The following ZFPM1 variants were observed in gnomAD, a reference collection of about 807,000 sequenced individuals.
ZFPM1 encodes the protein zinc finger protein ZFPM1.
ZFPM1 carries 28 observed loss-of-function variants against 46.3 expected under a neutral mutation model. That is an observed-to-expected ratio of 0.60 (90% confidence interval 0.45 to 0.83). The LOEUF (loss-of-function observed/expected upper bound fraction) is 0.83, where lower values mean the gene tolerates loss of function less well. Among genes scored for constraint, ZFPM1 ranks in the 40% least tolerant of loss-of-function variants. The pLI is 0.00. For missense variants in ZFPM1, 1,878 were observed against 1,432.4 expected, an observed-to-expected ratio of 1.31 and a Z score of -5.02; for synonymous variants, 957 against 675.9, an observed-to-expected ratio of 1.42 and a Z score of -6.45.
At position 88,534,409 on chromosome 16, in the gene ZFPM1, C is replaced by G; in HGVS notation, c.2451C>G (p.His817Gln). The G allele has an allele frequency of 6.7e-7, 1 of 1,485,960 alleles. No individual in the cohort carries two copies. The highest frequency in any genetic ancestry group is 8.9e-7 in the Non-Finnish European group (1 of 1,124,830). 92.0% of individuals were successfully genotyped at this position (1,485,960 alleles called of 1,614,324 possible). A position where few individuals can be genotyped will look rare whatever the true frequency, so the allele number is the denominator to read the frequency against. ...GAPAPALADY[H>Q]ECTACRVSFH... The stretch of plus-strand genomic sequence containing the variant: ...CGGCACCGGCGCTGGCCGACTACCA[C>G]GAGTGCACGGCCTGCCGCGTGAGCT... Residue 817 changes from histidine to glutamine, a missense_variant, in exon 10 of 10, where the codon CAC becomes CAG. His to Gln is a conservative substitution (Grantham distance 24). Transcript: ENST00000319555.
At chr16:88,453,810 C>A (rs1907406082) in intron 1 of ZFPM1, 132 bp downstream of exon 1, 1 of 491,188 alleles carries the variant, frequency 2.0e-6, no homozygotes, top group Non-Finnish European at 2.7e-6. Flanking sequence ...GCGCCCCCCG[C>A]GCTGTGCCAA....
At chr16:88,510,484 C>T (rs921384963) in intron 3 of ZFPM1, among the ~76,000 whole-genome samples, 1 of 152,266 alleles carries the variant, frequency 6.6e-6, no homozygotes, top group Non-Finnish European at 1.5e-5. Context: ...TGGAACTTCT[C>T]ATTTGGTTCC....
chr16:88,457,124 G>A (rs766286021), intron 1 of ZFPM1, among the ~76,000 whole-genome samples: 20 of 152,264 alleles, frequency 1.3e-4, no homozygotes, highest in Non-Finnish European at 2.9e-4. Flanking sequence ...CGTGGGGCTG[G>A]CAGTGCCATC....
At position 88,533,578 on chromosome 16, in the gene ZFPM1, G is replaced by A. The variant is rs1291522116; in HGVS notation, c.1620G>A (p.Ser540=). The stretch of plus-strand genomic sequence containing the variant: ...GGCCCGACGCGGCGCCCCCCGCCTC[G>A]GAGATCCTGGCCAAGATGTCCGAGC... ...VFGPDAAPPA[S]EILAKMSELV... Residue 540 remains serine (S), a synonymous_variant, in exon 10 of 10, where the codon TCG becomes TCA. Coordinates refer to ENST00000319555, the MANE Select transcript of ZFPM1 (RefSeq NM_153813.3). 1.3e-6 allele frequency: 2 copies of A among 1,499,258 alleles called. No individual in the cohort carries two copies. The allele number at this position is 1,499,258 out of a possible 1,614,324, so 92.9% of individuals were successfully genotyped here. A position where few individuals can be genotyped will look rare whatever the true frequency, so the allele number is the denominator to read the frequency against.
At chr16:88,493,324 A>G (rs1345567430) in intron 3 of ZFPM1, among the ~76,000 whole-genome samples, 15 of 54,822 alleles carry the variant, frequency 2.7e-4, no homozygotes, top group Admixed American at 9.1e-4. Context: ...GGGGTGTGGG[A>G]AATTGTCCCG....
intron 2 of ZFPM1, 70 bp downstream of exon 2, chr16:88,486,113 C>G (rs1318665436): frequency 6.8e-7 from 1 of 1,466,238 alleles, no homozygotes; most frequent in Admixed American, 2.0e-5. Context: ...ACCATGCCCT[C>G]AGAGCTCAGT....
chr16:88,534,848 A>ACGCCGG lies in ZFPM1; in HGVS notation c.2896_2901dup (p.Ala966_Pro967dup), dbSNP rs1913163522. The ACGCCGG allele has an allele frequency of 6.4e-7, 1 of 1,559,122 alleles. No individual in the cohort carries two copies. Among genetic ancestry groups the ACGCCGG allele is most frequent in the Non-Finnish European group, 8.6e-7 (1 of 1,159,924 alleles). ...GGGCGTCCAGACTCCCAGCAAGGGC[A>ACGCCGG]CGCCGGCGCCGCTGCCCAACGGCAA... On this transcript the variant is annotated inframe_insertion, in exon 10 of 10. Transcript: ENST00000319555.
intron 1 of ZFPM1, among the ~76,000 whole-genome samples, chr16:88,485,193 G>A (rs1039378766): frequency 6.6e-6 from 1 of 152,192 alleles, no homozygotes; most frequent in Non-Finnish European, 1.5e-5. Context: ...CTGGATGGAC[G>A]CTGGGCCTAC....
In ZFPM1 at chr16:88,533,550, T is replaced by C; in HGVS notation, c.1592T>C (p.Phe531Ser). Residue 531 changes from phenylalanine (F) to serine (S), a missense_variant, in exon 10 of 10, where the codon TTC becomes TCC. Phe to Ser is a radical substitution (Grantham distance 155). Coordinates refer to ENST00000319555, the MANE Select transcript of ZFPM1 (RefSeq NM_153813.3). ...GCCCTGTTCCTTCCGCAGTACGTGTTCGGGCCCGACGCGGCGCCCCCCGCC... is the reference window on the plus strand; with the variant it reads ...GCCCTGTTCCTTCCGCAGTACGTGTCCGGGCCCGACGCGGCGCCCCCCGCC... ...AGALFLPQYV[F>S]GPDAAPPASE... 1.4e-6 allele frequency: 2 copies of C among 1,474,710 alleles called. No individual in the cohort carries two copies. The highest frequency in any genetic ancestry group is 2.3e-5 in the Admixed American group (1 of 44,008). 91.4% of individuals were successfully genotyped at this position (1,474,710 alleles called of 1,614,324 possible).
At chr16:88,523,327 G>T (rs1169951119) in intron 4 of ZFPM1, among the ~76,000 whole-genome samples, 1 of 152,180 alleles carries the variant, frequency 6.6e-6, no homozygotes, top group African/African-American at 2.4e-5. Flanking sequence ...ATCAGAGGTG[G>T]GGAAACAAGA....
rs571848443 is a variant in ZFPM1 at position 88,474,900 on chromosome 16, C to G, written c.41-11039C>G. ...GCTCTTCGAGACTGATGAGTCCATA[C>G]TCGTTGGCCAGATGTGTAAACCAGG... On this transcript the variant is annotated intron_variant, in intron 1 of 9. Transcript: ENST00000319555. Among the ~76,000 whole-genome samples the G allele has an allele frequency of 4.6e-5, 7 of 152,356 alleles. No individual in the cohort carries two copies. In the South Asian group the frequency reaches 1.4e-3, roughly 32 times the overall value.
At position 88,514,970 on chromosome 16, in the gene ZFPM1, G is replaced by A. The variant is rs531993189; in HGVS notation, c.402+450G>A. On this transcript the variant is annotated intron_variant, in intron 4 of 9. Transcript: ENST00000319555. ...TCAGGCCCATGGTCTCCATGGCCTC[G>A]GCACGTGTGCTCATCTCCTTGGTGA... 1.1e-4 allele frequency among the ~76,000 whole-genome samples: 17 copies of A among 152,278 alleles called. 1 individual carries two copies. In the South Asian group the frequency reaches 2.7e-3, roughly 24 times the overall value.
At position 88,533,323 on chromosome 16, in the gene ZFPM1, C is replaced by G. The variant is rs907573016; in HGVS notation, c.1365C>G (p.Pro455=). The G allele has an allele frequency of 9.1e-6, 14 of 1,532,620 alleles. No homozygotes were observed. Among genetic ancestry groups the G allele is most frequent in the Middle Eastern group, 1.7e-4 (1 of 5,778 alleles). 94.9% of individuals were successfully genotyped at this position (1,532,620 alleles called of 1,614,324 possible). A position where few individuals can be genotyped will look rare whatever the true frequency, so the allele number is the denominator to read the frequency against. Reference sequence around the variant, plus strand: ...CCCAGAATGGAGGCAGCAGCGAGCCCCCGGCGGCCCCCAGGAGCATCAAGG... The same window carrying G: ...CCCAGAATGGAGGCAGCAGCGAGCCGCCGGCGGCCCCCAGGAGCATCAAGG... ...PLAQNGGSSE[P]PAAPRSIKVE... Residue 455 remains proline, a synonymous_variant, in exon 10 of 10, where the codon CCC becomes CCG. Transcript: ENST00000319555.
chr16:88,522,431 G>A (rs1274288427), intron 4 of ZFPM1, among the ~76,000 whole-genome samples: 1 of 152,218 alleles, frequency 6.6e-6, no homozygotes, highest in East Asian at 1.9e-4. Flanking sequence ...ACCCCGCAGT[G>A]TCCTGGGGAT....
Position 88,518,468 on chromosome 16 carries a change from T to C in ZFPM1, c.402+3948T>C, listed in dbSNP as rs530374358. ...GATAGATGGATGGTGGGTGGATGGG[T>C]GGGTAGATGGGTAGATGGACAGATG... On this transcript the variant is annotated intron_variant, in intron 4 of 9. Transcript: ENST00000319555. Among the ~76,000 whole-genome samples, 51 of 141,334 alleles carry C rather than the reference T, an allele frequency of 3.6e-4. 1 individual carries two copies. The South Asian group carries it at 0.011, about 31-fold the overall frequency. 92.7% of individuals were successfully genotyped at this position (141,334 alleles called of 152,430 possible).
At position 88,533,626 on chromosome 16, in the gene ZFPM1, G is replaced by A. The variant is rs760895059; in HGVS notation, c.1668G>A (p.Gln556=). The A allele has an allele frequency of 3.4e-6, 5 of 1,451,072 alleles. No homozygotes were observed. The highest frequency in any genetic ancestry group is 3.0e-5 in the East Asian group (1 of 33,608). 89.9% of individuals were successfully genotyped at this position (1,451,072 alleles called of 1,614,324 possible). A position where few individuals can be genotyped will look rare whatever the true frequency, so the allele number is the denominator to read the frequency against. The change falls in exon 10 of 10, where the codon CAG becomes CAA. Residue 556 remains glutamine (Q), a synonymous_variant. Transcript: ENST00000319555. ...MSELVHSRLQ[Q]GAGAGAGGAQ... Reference sequence around the variant, plus strand: ...AGCTGGTGCACAGCCGGCTGCAGCAGGGCGCGGGCGCGGGCGCCGGCGGCG... The same window carrying A: ...AGCTGGTGCACAGCCGGCTGCAGCAAGGCGCGGGCGCGGGCGCCGGCGGCG...
chr16:88,483,667 C>T (rs1053028636), intron 1 of ZFPM1, among the ~76,000 whole-genome samples: 29 of 152,214 alleles, frequency 1.9e-4, no homozygotes, highest in African/African-American at 6.3e-4. Flanking sequence ...CACAGTGGCC[C>T]GGACACCCAG....
chr16:88,497,710 G>A lies in ZFPM1; in HGVS notation c.268+8557G>A, dbSNP rs908801690. Among the ~76,000 whole-genome samples, 1 of 152,142 alleles carries A rather than the reference G, an allele frequency of 6.6e-6. No individual in the cohort carries two copies. The highest frequency in any genetic ancestry group is 1.9e-4 in the East Asian group (1 of 5,176). ...GCCGGCAGCTGCTGTGAGGCGGGAG[G>A]AGGGCTCTGTCCACTATTTCCTGCC... On this transcript the variant is annotated intron_variant, in intron 3 of 9. Coordinates refer to ENST00000319555, the MANE Select transcript of ZFPM1 (RefSeq NM_153813.3). This position sits in a 1 kb window ranked among gnomAD's most constrained non-coding sequence, Gnocchi z 5.4.
At chr16:88,506,718 C>T (rs767663242) in intron 3 of ZFPM1, among the ~76,000 whole-genome samples, 4 of 152,064 alleles carry the variant, frequency 2.6e-5, no homozygotes, top group Non-Finnish European at 5.9e-5. Flanking sequence ...TGCGCCTCTC[C>T]CAGACCCAGC....
Sources: allele counts gnomAD v4.1 joint callset (sites outside exome capture counted in the v4.1 genomes callset), GRCh38; gene constraint gnomAD v4.1.1; non-coding constraint Gnocchi (gnomAD v3.1); transcripts MANE v1.5; gene names NCBI Gene and HGNC (gene_info 2026-07-23, HGNC 2026-07-21).